The following POFUT3 variants were observed in gnomAD, a reference collection of about 807,000 sequenced individuals.
The protein encoded by POFUT3 is protein O-fucosyltransferase 3, also known as GDP-fucose protein O-fucosyltransferase 3.
At chr8:33,355,306 A>C in the POFUT3 span, among the ~76,000 whole-genome samples, 3 of 152,196 alleles carry the variant, frequency 2.0e-5, no homozygotes, top group Non-Finnish European at 4.4e-5. Flanking sequence ...CTTGTAAAGA[A>C]CTCATATTTA....
the POFUT3 span, among the ~76,000 whole-genome samples, chr8:33,416,106 A>G: frequency 6.6e-6 from 1 of 152,264 alleles, no homozygotes; most frequent in South Asian, 2.1e-4. Context: ...AAAAACAATC[A>G]AAGAAACAAA....
At chr8:33,431,617 G>A in the POFUT3 span, among the ~76,000 whole-genome samples, 1,867 of 131,090 alleles carry the variant, frequency 0.014, 46 homozygotes, top group African/African-American at 0.049. Flanking sequence ...TCCTTTGAAG[G>A]AATCATCAAA....
the POFUT3 span, among the ~76,000 whole-genome samples, chr8:33,312,635 C>T: frequency 6.6e-6 from 1 of 152,114 alleles, no homozygotes; most frequent in South Asian, 2.1e-4. Flanking sequence ...GTCTAGGAAG[C>T]TCTTTGTCCA....
the POFUT3 span, among the ~76,000 whole-genome samples, chr8:33,379,990 AGT>A: frequency 2.1e-4 from 17 of 81,928 alleles, 1 homozygote; most frequent in South Asian, 4.1e-3. Flanking sequence ...CTATATATAT[AGT>A]ATATATATAT....
the POFUT3 span, among the ~76,000 whole-genome samples, chr8:33,409,026 AG>A: frequency 6.6e-6 from 1 of 152,210 alleles, no homozygotes; most frequent in African/African-American, 2.4e-5. Context: ...AATATCTTTT[AG>A]GGATGTCGTT....
chr8:33,461,231 GAGGA>G, the POFUT3 span: 22 of 567,092 alleles, frequency 3.9e-5, no homozygotes, highest in African/African-American at 8.8e-5. Flanking sequence ...GGGAGGGAGG[GAGGA>G]AGGAAGGAAC....
the POFUT3 span, among the ~76,000 whole-genome samples, chr8:33,364,336 G>C: frequency 6.6e-6 from 1 of 152,232 alleles, no homozygotes; most frequent in South Asian, 2.1e-4. Flanking sequence ...GCAAAAACTG[G>C]AAGCATTCCC....
the POFUT3 span, among the ~76,000 whole-genome samples, chr8:33,348,418 G>A: frequency 1.3e-5 from 2 of 152,112 alleles, no homozygotes; most frequent in Admixed American, 1.3e-4. Flanking sequence ...CAAAAAAAAA[G>A]TCAGAGTGTT....
the POFUT3 span, among the ~76,000 whole-genome samples, chr8:33,373,820 T>C: frequency 8.2e-4 from 124 of 152,142 alleles, 1 homozygote; most frequent in African/African-American, 2.9e-3. Flanking sequence ...CCTGTAAGAA[T>C]TGGGAGAATG....
the POFUT3 span, among the ~76,000 whole-genome samples, chr8:33,456,619 G>A: frequency 6.6e-6 from 1 of 151,776 alleles, no homozygotes; most frequent in African/African-American, 2.4e-5. Flanking sequence ...CCAGATTGTA[G>A]GAAATATGGC....
chr8:33,370,467 T>G, the POFUT3 span, among the ~76,000 whole-genome samples: 3 of 152,226 alleles, frequency 2.0e-5, no homozygotes, highest in Non-Finnish European at 4.4e-5. Context: ...AAAACAGTCC[T>G]GTGAGGGACG....
At chr8:33,330,897 C>T in the POFUT3 span, among the ~76,000 whole-genome samples, 16 of 152,230 alleles carry the variant, frequency 1.1e-4, no homozygotes, top group South Asian at 4.1e-4. Context: ...TTGGGCTTCC[C>T]AACCTGGTTG....
the POFUT3 span, among the ~76,000 whole-genome samples, chr8:33,416,895 TG>T: frequency 6.6e-6 from 1 of 151,906 alleles, no homozygotes; most frequent in African/African-American, 2.4e-5. Context: ...AGAGGATGTT[TG>T]GCCTCAAATT....
the POFUT3 span, among the ~76,000 whole-genome samples, chr8:33,419,266 T>C: frequency 6.6e-6 from 1 of 152,208 alleles, no homozygotes; most frequent in Non-Finnish European, 1.5e-5. Context: ...AGGTGATAGA[T>C]ACCTTAAATC....
chr8:33,372,388 A>T, the POFUT3 span: 1 of 1,362,760 alleles, frequency 7.3e-7, no homozygotes, highest in Non-Finnish European at 9.4e-7. Context: ...TTAGTATAAA[A>T]AATATAGTGG....
At chr8:33,448,181 A>C in the POFUT3 span, among the ~76,000 whole-genome samples, 1 of 150,706 alleles carries the variant, frequency 6.6e-6, no homozygotes, top group Non-Finnish European at 1.5e-5. Flanking sequence ...TCTCTACAAA[A>C]AAAAATTTTT....
At chr8:33,394,230 C>T in the POFUT3 span, 1 of 209,222 alleles carries the variant, frequency 4.8e-6, no homozygotes, top group Non-Finnish European at 9.7e-6. Flanking sequence ...TCATTTTCTG[C>T]CAAAGGTGGT....
the POFUT3 span, among the ~76,000 whole-genome samples, chr8:33,352,751 G>C: frequency 6.6e-6 from 1 of 152,222 alleles, no homozygotes; most frequent in Admixed American, 6.5e-5. Context: ...TTCTTTGTTA[G>C]ATAATTGCCA....
the POFUT3 span, among the ~76,000 whole-genome samples, chr8:33,333,449 A>C: frequency 3.3e-5 from 5 of 152,212 alleles, no homozygotes; most frequent in Non-Finnish European, 7.3e-5. Context: ...AGAAAAGAAT[A>C]ATCCCAAACA....
Sources: gnomAD v4.1 joint callset for allele counts (sites outside exome capture counted in the v4.1 genomes callset) on GRCh38, gnomAD v4.1.1 for gene constraint, MANE v1.5 for transcripts, NCBI Gene and HGNC (gene_info 2026-07-23, HGNC 2026-07-21) for gene names.